Variants in CADM2 observed in about 807,000 individuals in gnomAD.
The protein encoded by CADM2 is immunoglobulin superfamily member 4D.
A neutral mutation model predicts 49.8 loss-of-function variants in CADM2; 12 were observed. The ratio of observed to expected loss-of-function variants is 0.24; its 90% CI spans 0.15 to 0.39. The LOEUF is 0.39. Ranked by LOEUF, CADM2 falls within the 10% of genes least tolerant of loss-of-function variation. The pLI is 1.00. For synonymous variants in CADM2, 214 were observed against 175.4 expected (o/e 1.22, Z -1.74); for missense variants, 378 against 492.3 (o/e 0.77, Z 2.20).
intron 8 of CADM2, among the ~76,000 whole-genome samples, chr3:86,056,936 G>A (rs1411526947): frequency 6.6e-6 from 1 of 152,046 alleles, no homozygotes; most frequent in Admixed American, 6.6e-5. Context: ...GTGTTTGCTT[G>A]GATTTGCTTT....
At chr3:85,666,894 T>C (rs2065586114) in intron 1 of CADM2, among the ~76,000 whole-genome samples, 1 of 151,980 alleles carries the variant, frequency 6.6e-6, no homozygotes, top group Middle Eastern at 3.2e-3. Context: ...TTAAGGGATG[T>C]CATAGTTTTC....
chr3:85,966,121 T>G, intron 8 of CADM2, among the ~76,000 whole-genome samples: 1 of 151,710 alleles, frequency 6.6e-6, no homozygotes, highest in East Asian at 2.0e-4. Context: ...TGCAACTCTT[T>G]AATATCACCT....
chr3:85,384,367 A>C (rs911842217), intron 1 of CADM2, among the ~76,000 whole-genome samples: 14 of 151,430 alleles, frequency 9.2e-5, no homozygotes, highest in Admixed American at 9.2e-4. Flanking sequence ...CCCACGGTGG[A>C]GTGCAATGGT....
chr3:86,002,411 A>G (rs1386639513), intron 8 of CADM2, among the ~76,000 whole-genome samples: 1 of 152,154 alleles, frequency 6.6e-6, no homozygotes, highest in Non-Finnish European at 1.5e-5. Flanking sequence ...GAGTAGACAG[A>G]TGTCCAATTT....
At chr3:85,110,871 C>CA (rs1473019174) in intron 1 of CADM2, among the ~76,000 whole-genome samples, 1 of 151,816 alleles carries the variant, frequency 6.6e-6, no homozygotes, top group African/African-American at 2.4e-5. Context: ...AAACAATCCA[C>CA]AGCCAAGATT....
intron 6 of CADM2, among the ~76,000 whole-genome samples, chr3:85,922,131 T>A (rs1434457132): frequency 6.6e-6 from 1 of 151,944 alleles, no homozygotes; most frequent in Non-Finnish European, 1.5e-5. Flanking sequence ...CTTCTCCTCC[T>A]TCTTTTGCTT....
intron 1 of CADM2, among the ~76,000 whole-genome samples, chr3:85,421,070 A>T (rs1157044929): frequency 6.6e-6 from 1 of 152,182 alleles, no homozygotes; most frequent in Non-Finnish European, 1.5e-5. Flanking sequence ...AAACTTAGTG[A>T]TTAAAGGAAT....
intron 1 of CADM2, among the ~76,000 whole-genome samples, chr3:85,504,482 A>G (rs923703192): frequency 1.8e-4 from 27 of 152,154 alleles, no homozygotes; most frequent in Non-Finnish European, 2.6e-4. Context: ...ATCTGGCCCC[A>G]CCACATCCTG....
chr3:85,324,201 T>A (rs2044688942), intron 1 of CADM2, among the ~76,000 whole-genome samples: 13 of 152,226 alleles, frequency 8.5e-5, no homozygotes, highest in Admixed American at 8.5e-4. Flanking sequence ...CCTTACTGTT[T>A]GCAAAGTGTT....
At chr3:86,062,157 A>C (rs184819663) in intron 8 of CADM2, among the ~76,000 whole-genome samples, 2 of 152,098 alleles carry the variant, frequency 1.3e-5, no homozygotes, top group Non-Finnish European at 2.9e-5. Flanking sequence ...TAAGTTCTCT[A>C]AAAGAGTGCC....
At chr3:85,130,504 A>C (rs1277999439) in intron 1 of CADM2, among the ~76,000 whole-genome samples, 1 of 152,212 alleles carries the variant, frequency 6.6e-6, no homozygotes, top group Non-Finnish European at 1.5e-5. Flanking sequence ...AGTAACATGT[A>C]AATATATTCA....
chr3:85,762,594 CCTCTCT>C (rs758842388), intron 2 of CADM2, among the ~76,000 whole-genome samples: 164 of 50,422 alleles, frequency 3.3e-3, no homozygotes, highest in Admixed American at 4.8e-3. Flanking sequence ...CTGCACTACT[CCTCTCT>C]CTCTCTCTCT....
At chr3:85,543,766 A>T (rs948900694) in intron 1 of CADM2, among the ~76,000 whole-genome samples, 13 of 152,218 alleles carry the variant, frequency 8.5e-5, no homozygotes, top group African/African-American at 2.9e-4. Context: ...GAAGGGCAAG[A>T]GCAAACTCAC....
intron 1 of CADM2, among the ~76,000 whole-genome samples, chr3:85,437,625 G>A (rs2036993165): frequency 6.6e-6 from 1 of 151,806 alleles, no homozygotes; most frequent in Admixed American, 6.6e-5. Context: ...CTTTTAATAT[G>A]CTTATTTGCC....
In CADM2 at chr3:85,592,825, G is replaced by T. The variant is rs190631956; in HGVS notation, c.62-133697G>T. On this transcript the variant is annotated intron_variant, in intron 1 of 9. Transcript: ENST00000383699. ...ACCCACCAACGCGTCATCTACATTAGATATTTCTCCTAATGCTATCCCTCC... is the reference window on the plus strand; with the variant it reads ...ACCCACCAACGCGTCATCTACATTATATATTTCTCCTAATGCTATCCCTCC... Among the ~76,000 whole-genome samples, 182 of 151,760 alleles carry T rather than the reference G, an allele frequency of 1.2e-3. 3 individuals carry two copies. The highest frequency in any genetic ancestry group is 1.9e-3 in the Non-Finnish European group (131 of 67,900).
chr3:85,926,216 A>G (rs779644684), intron 6 of CADM2, among the ~76,000 whole-genome samples: 33 of 151,932 alleles, frequency 2.2e-4, no homozygotes, highest in Non-Finnish European at 4.0e-4. Flanking sequence ...TATTTTAAAG[A>G]AAAGTATTAT....
chr3:85,412,272 A>G (rs2035689157), intron 1 of CADM2, among the ~76,000 whole-genome samples: 1 of 152,220 alleles, frequency 6.6e-6, no homozygotes, highest in Non-Finnish European at 1.5e-5. Context: ...TACTGTAAAA[A>G]GTATAGGAGA....
At chr3:85,039,499 T>G (rs2035355617) in intron 1 of CADM2, among the ~76,000 whole-genome samples, 1 of 152,172 alleles carries the variant, frequency 6.6e-6, no homozygotes, top group Non-Finnish European at 1.5e-5. Flanking sequence ...AATTCAAGTA[T>G]TGCATACATT....
chr3:86,045,434 C>T (rs1320407301), intron 8 of CADM2, among the ~76,000 whole-genome samples: 2 of 152,108 alleles, frequency 1.3e-5, no homozygotes, highest in South Asian at 4.2e-4. Context: ...TGGTTCTGTT[C>T]CACTTCCCAG....
Sources: allele counts gnomAD v4.1 joint callset (sites outside exome capture counted in the v4.1 genomes callset), GRCh38; gene constraint gnomAD v4.1.1; transcripts MANE v1.5; gene names NCBI Gene and HGNC (gene_info 2026-07-23, HGNC 2026-07-21).